PITPNC1: variants seen among roughly 807,000 people sequenced by gnomAD.
PITPNC1 encodes phosphatidylinositol transfer protein cytoplasmic 1.
In PITPNC1, 18 loss-of-function variants were observed where a neutral mutation model predicts 44.7. The ratio of observed to expected loss-of-function variants is 0.40; its 90% confidence interval spans 0.28 to 0.60. The LOEUF (loss-of-function observed/expected upper bound fraction) is 0.60, where lower values mean the gene tolerates loss of function less well. PITPNC1 is among the 20% of genes least tolerant of loss of function. The probability of loss-of-function intolerance (pLI) is 0.39; values close to 1 mark genes in which losing one functional copy is unlikely to be tolerated. For synonymous variants in PITPNC1, 141 were observed against 149.6 expected (o/e 0.94, Z 0.42); for missense variants, 290 against 418.4 (o/e 0.69, Z 2.68).
intron 4 of PITPNC1, among the ~76,000 whole-genome samples, chr17:67,572,476 G>GC (rs2041073753): frequency 8.5e-6 from 1 of 116,980 alleles, no homozygotes; most frequent in Non-Finnish European, 1.8e-5. Context: ...AGCGGGGGGG[G>GC]GGGGTAAAGA....
intron 1 of PITPNC1, among the ~76,000 whole-genome samples, chr17:67,385,485 C>G (rs976957632): frequency 7.0e-6 from 1 of 143,692 alleles, no homozygotes; most frequent in Non-Finnish European, 1.5e-5. Context: ...CACCCCTCCC[C>G]CCTCCCCTCC....
At chr17:67,517,944 A>G (rs766155724) in intron 1 of PITPNC1, among the ~76,000 whole-genome samples, 13 of 152,246 alleles carry the variant, frequency 8.5e-5, no homozygotes, top group Admixed American at 3.3e-4. Flanking sequence ...CATCTTTAAG[A>G]TTACTTTTTC....
rs2042973446 is a variant in PITPNC1 at position 67,694,159 on chromosome 17, A to C, written c.*1271A>C. 1 of 152,236 alleles carries C rather than the reference A, an allele frequency of 6.6e-6. No homozygotes were observed. The highest frequency in any genetic ancestry group is 6.5e-5 in the Admixed American group (1 of 15,290). The allele number at this position is 152,236 out of a possible 1,614,324, so 9.4% of individuals were successfully genotyped here. On this transcript the variant is annotated 3_prime_UTR_variant, in exon 9 of 9. Coordinates refer to ENST00000581322, the MANE Select transcript of PITPNC1 (RefSeq NM_012417.4). ...GACAGGAGGCAAGGTCACTCACTGA[A>C]GTGACAGAAAGACAATTCTCCTTTG...
chr17:67,479,358 GT>G, intron 1 of PITPNC1, among the ~76,000 whole-genome samples: 1 of 152,186 alleles, frequency 6.6e-6, no homozygotes, highest in Non-Finnish European at 1.5e-5. Context: ...CAGGCCATAG[GT>G]TTTTCCCTTT....
chr17:67,692,899 A>G lies in PITPNC1; in HGVS notation c.*11A>G, dbSNP rs1455446413. The G allele has an allele frequency of 6.8e-7, 1 of 1,466,814 alleles. No homozygotes were observed. Among genetic ancestry groups the G allele is most frequent in the East Asian group, 2.3e-5 (1 of 43,664 alleles). The allele number at this position is 1,466,814 out of a possible 1,614,324, so 90.9% of individuals were successfully genotyped here. A position where few individuals can be genotyped will look rare whatever the true frequency, so the allele number is the denominator to read the frequency against. ...CCCAAATCTGAGTAACTTTATATAA[A>G]TATCTCATGGGGTTTTATATTTTCA... On this transcript the variant is annotated 3_prime_UTR_variant, in exon 9 of 9. Transcript: ENST00000581322.
chr17:67,482,089 T>A lies in PITPNC1; in HGVS notation c.49-50713T>A, dbSNP rs1034851822. ...AACACAGAGGAACTGAATCATATTT[T>A]CCTACTGACTGACTAACAGTAATTT... On this transcript the variant is annotated intron_variant, in intron 1 of 8. Coordinates refer to ENST00000581322, the MANE Select transcript of PITPNC1 (RefSeq NM_012417.4). Among the ~76,000 whole-genome samples, 3 of 135,370 alleles carry A rather than the reference T, an allele frequency of 2.2e-5. No homozygotes were observed. The East Asian group carries it at 6.0e-4, about 27-fold the overall frequency. 88.8% of individuals were successfully genotyped at this position (135,370 alleles called of 152,430 possible). A position where few individuals can be genotyped will look rare whatever the true frequency, so the allele number is the denominator to read the frequency against.
chr17:67,510,386 G>A (rs1391891680), intron 1 of PITPNC1, among the ~76,000 whole-genome samples: 1 of 152,180 alleles, frequency 6.6e-6, no homozygotes, highest in Non-Finnish European at 1.5e-5. Context: ...GAGCTGATGT[G>A]CGCACCCCTT....
At chr17:67,384,044 A>G (rs1379863058) in intron 1 of PITPNC1, among the ~76,000 whole-genome samples, 1 of 152,188 alleles carries the variant, frequency 6.6e-6, no homozygotes, top group African/African-American at 2.4e-5. Flanking sequence ...TCTCAAAAAA[A>G]CAAAAACAAA....
At chr17:67,423,405 T>C (rs867763007) in intron 1 of PITPNC1, among the ~76,000 whole-genome samples, 2 of 152,160 alleles carry the variant, frequency 1.3e-5, no homozygotes, top group Non-Finnish European at 2.9e-5. Context: ...AGCACCCCGG[T>C]GACCCCACCT....
chr17:67,547,724 G>C (rs988928973), intron 2 of PITPNC1, among the ~76,000 whole-genome samples: 1 of 152,138 alleles, frequency 6.6e-6, no homozygotes, highest in Non-Finnish European at 1.5e-5. Flanking sequence ...GGATCGTAAA[G>C]TACCAGAAGC....
intron 1 of PITPNC1, among the ~76,000 whole-genome samples, chr17:67,478,819 A>C (rs901432022): frequency 6.6e-6 from 1 of 152,050 alleles, no homozygotes; most frequent in African/African-American, 2.4e-5. Flanking sequence ...AGACTTGGCC[A>C]ATGCTCACTC....
intron 6 of PITPNC1, among the ~76,000 whole-genome samples, chr17:67,635,379 A>G (rs565467498): frequency 6.6e-6 from 1 of 152,264 alleles, no homozygotes; most frequent in African/African-American, 2.4e-5. Context: ...GGATGGCCTT[A>G]AGGATTCTGG....
At chr17:67,683,775 C>G (rs1280243989) in intron 8 of PITPNC1, among the ~76,000 whole-genome samples, 1 of 151,086 alleles carries the variant, frequency 6.6e-6, no homozygotes, top group Non-Finnish European at 1.5e-5. Context: ...GTCAGGAGTT[C>G]GAGACCAGCC....
At chr17:67,403,339 C>A (rs956172062) in intron 1 of PITPNC1, among the ~76,000 whole-genome samples, 4 of 151,834 alleles carry the variant, frequency 2.6e-5, no homozygotes, top group African/African-American at 9.7e-5. Context: ...GAACTATTCC[C>A]TACTTCCTCA....
chr17:67,565,322 A>G (rs903216309), intron 4 of PITPNC1, among the ~76,000 whole-genome samples: 8 of 131,530 alleles, frequency 6.1e-5, no homozygotes, highest in African/African-American at 1.8e-4. Context: ...CAGTGTGTAT[A>G]CTAGTTTTTC....
At chr17:67,493,880 C>T (rs1440364026) in intron 1 of PITPNC1, among the ~76,000 whole-genome samples, 1 of 152,220 alleles carries the variant, frequency 6.6e-6, no homozygotes, top group African/African-American at 2.4e-5. Context: ...CTGACACCCA[C>T]AGTTAACCAC....
chr17:67,437,382 T>A lies in PITPNC1; in HGVS notation c.48+59180T>A, dbSNP rs996682454. Among the ~76,000 whole-genome samples, 13 of 151,800 alleles carry A rather than the reference T, an allele frequency of 8.6e-5. 1 individual carries two copies. Among genetic ancestry groups the A allele is most frequent in the Non-Finnish European group, 1.5e-5 (1 of 67,952 alleles). On this transcript the variant is annotated intron_variant, in intron 1 of 8. Transcript: ENST00000581322. ...AGCCCCTTGAACATGGAGGCAGAAG[T>A]TGGGGTGTTGCAGCCACGAGCCAGG...
intron 1 of PITPNC1, among the ~76,000 whole-genome samples, chr17:67,517,922 A>C (rs2040278669): frequency 6.6e-6 from 1 of 152,250 alleles, no homozygotes; most frequent in Admixed American, 6.5e-5. Context: ...GCTCAACTAC[A>C]GAGCTTAAAG....
At chr17:67,551,178 T>G (rs2040757693) in intron 2 of PITPNC1, among the ~76,000 whole-genome samples, 2 of 86,300 alleles carry the variant, frequency 2.3e-5, no homozygotes, top group Admixed American at 2.5e-4. Context: ...TGCACTGTTC[T>G]CTAAGTTTTG....
Sources: allele counts gnomAD v4.1 joint callset (sites outside exome capture counted in the v4.1 genomes callset), GRCh38; gene constraint gnomAD v4.1.1; transcripts MANE v1.5; gene names NCBI Gene and HGNC (gene_info 2026-07-23, HGNC 2026-07-21).